PDE1C: variants seen among roughly 807,000 people sequenced by gnomAD.
PDE1C encodes phosphodiesterase 1C.
PDE1C carries 62 observed loss-of-function variants against 93.1 expected under a neutral mutation model. The ratio of observed to expected loss-of-function variants is 0.67; its 90% CI spans 0.54 to 0.82. The LOEUF is 0.82. PDE1C is among the 40% of genes least tolerant of loss of function. The pLI, the probability that PDE1C is intolerant of heterozygous loss-of-function variation, is 0.00. For synonymous variants in PDE1C, 325 were observed against 310.1 expected, an observed-to-expected ratio of 1.05 and a Z score of -0.50; for missense variants, 742 against 884.6, an observed-to-expected ratio of 0.84 and a Z score of 2.04.
At chr7:32,309,154 G>A (rs1813101861) in intron 1 of PDE1C, among the ~76,000 whole-genome samples, 2 of 152,190 alleles carry the variant, frequency 1.3e-5, no homozygotes, top group Admixed American at 6.5e-5. Flanking sequence ...TATCAGTGAT[G>A]GAAGACGAAA....
At chr7:32,307,520 G>A (rs1813039201) in intron 1 of PDE1C, among the ~76,000 whole-genome samples, 3 of 152,094 alleles carry the variant, frequency 2.0e-5, no homozygotes, top group Admixed American at 2.0e-4. Flanking sequence ...AAGAAGGTTT[G>A]GTAAACACAG....
intron 1 of PDE1C, among the ~76,000 whole-genome samples, chr7:32,325,830 G>A (rs975270730): frequency 6.6e-6 from 1 of 152,200 alleles, no homozygotes; most frequent in Admixed American, 6.5e-5. Flanking sequence ...TGAGTGAGAT[G>A]AGGAAACATT....
chr7:31,619,194 T>C, the PDE1C span, among the ~76,000 whole-genome samples: 2 of 152,220 alleles, frequency 1.3e-5, no homozygotes, highest in Non-Finnish European at 2.9e-5. Context: ...CAAGGTGTCC[T>C]TTCTATGTCT....
At chr7:32,417,597 C>T (rs903347507) in intron 1 of PDE1C, among the ~76,000 whole-genome samples, 43 of 150,326 alleles carry the variant, frequency 2.9e-4, no homozygotes, top group Non-Finnish European at 1.8e-4. Context: ...AGAGCCTGCC[C>T]GTGTAACTAT....
chr7:31,865,828 T>A (rs779236237), intron 6 of PDE1C, among the ~76,000 whole-genome samples: 30 of 152,226 alleles, frequency 2.0e-4, no homozygotes, highest in Non-Finnish European at 2.9e-4. Flanking sequence ...AGGCAGTTTA[T>A]ATTTGTTTTG....
chr7:32,085,187 C>G (rs941531682), intron 3 of PDE1C, among the ~76,000 whole-genome samples: 2 of 151,748 alleles, frequency 1.3e-5, no homozygotes, highest in African/African-American at 4.9e-5. Context: ...ACGGATCCCA[C>G]AGAAATACAA....
intron 1 of PDE1C, among the ~76,000 whole-genome samples, chr7:32,255,024 T>G (rs1262965062): frequency 6.6e-6 from 1 of 152,192 alleles, no homozygotes; most frequent in Admixed American, 6.5e-5. Context: ...CTAAGTTAGA[T>G]GAAACATGAA....
At chr7:31,921,037 C>G (rs1270116128) in intron 2 of PDE1C, among the ~76,000 whole-genome samples, 2 of 152,148 alleles carry the variant, frequency 1.3e-5, no homozygotes, top group Admixed American at 1.3e-4. Context: ...CCCTCAAAGC[C>G]TAAAGCAAAC....
intron 1 of PDE1C, among the ~76,000 whole-genome samples, chr7:32,319,073 C>T (rs1004321659): frequency 1.3e-5 from 2 of 152,194 alleles, no homozygotes; most frequent in African/African-American, 4.8e-5. Flanking sequence ...GACCCATGTC[C>T]CTCGTTCTCC....
intron 1 of PDE1C, among the ~76,000 whole-genome samples, chr7:32,343,256 C>A (rs568826212): frequency 6.6e-6 from 1 of 152,180 alleles, no homozygotes; most frequent in Admixed American, 6.5e-5. Context: ...TACATTTAAA[C>A]GTCAAATTTT....
rs1019256359 is a variant in PDE1C at position 32,420,364 on chromosome 7, T to C, written c.310+7458A>G. Among the ~76,000 whole-genome samples, 34 of 12,756 alleles carry C rather than the reference T, an allele frequency of 2.7e-3. 10 individuals are homozygous for C. The highest frequency in any genetic ancestry group is 8.4e-3 in the East Asian group (2 of 238). 8.4% of individuals were successfully genotyped at this position (12,756 alleles called of 152,430 possible). ...GTGTATATATATGTGTATATATATA[T>C]GTGTATATATATGTGTATATATATA... On this transcript the variant is annotated intron_variant, in intron 1 of 1. Coordinates refer to the PDE1C transcript ENST00000672256.
upstream of PDE1C, chr7:32,070,496 G>C: frequency 1.3e-6 from 2 of 1,556,772 alleles, no homozygotes; most frequent in Middle Eastern, 2.2e-4. Context: ...CGCGGCGCGC[G>C]TTTGCCCGGC....
At chr7:32,211,030 A>G (rs1304708518) in intron 1 of PDE1C, among the ~76,000 whole-genome samples, 1 of 152,234 alleles carries the variant, frequency 6.6e-6, no homozygotes, top group East Asian at 1.9e-4. Flanking sequence ...CAAGATGGTG[A>G]AACCCCATCT....
chr7:32,368,010 A>G (rs1239020127), intron 1 of PDE1C, among the ~76,000 whole-genome samples: 1 of 152,120 alleles, frequency 6.6e-6, no homozygotes. Context: ...ATAGAAGGAA[A>G]GTATCTCAAC....
chr7:31,717,095 G>A, the PDE1C span, among the ~76,000 whole-genome samples: 3 of 152,198 alleles, frequency 2.0e-5, no homozygotes, highest in African/African-American at 7.2e-5. Flanking sequence ...GCTCTGTATT[G>A]TAAGTTATAT....
intron 1 of PDE1C, among the ~76,000 whole-genome samples, chr7:32,418,507 G>A (rs528864553): frequency 6.6e-6 from 1 of 151,980 alleles, no homozygotes; most frequent in East Asian, 1.9e-4. Flanking sequence ...TGTTTTATTT[G>A]CACTTTTTCA....
At chr7:31,732,636 TTCTGTG>T in the PDE1C span, among the ~76,000 whole-genome samples, 9 of 103,204 alleles carry the variant, frequency 8.7e-5, no homozygotes, top group Admixed American at 1.1e-4. Context: ...TCTCCTCTCT[TTCTGTG>T]TGTGTGTGTG....
chr7:31,804,857 C>G (rs554463754), intron 16 of PDE1C, among the ~76,000 whole-genome samples: 2 of 151,810 alleles, frequency 1.3e-5, no homozygotes, highest in South Asian at 4.2e-4. Flanking sequence ...CAGTACAGTG[C>G]GGATAATGCT....
chr7:31,924,588 C>T (rs1803098921), intron 2 of PDE1C, among the ~76,000 whole-genome samples: 1 of 137,854 alleles, frequency 7.3e-6, no homozygotes, highest in South Asian at 2.3e-4. Context: ...CTCGAAAGAG[C>T]CTTTTCTTTC....
Sources: gnomAD v4.1 joint callset for allele counts (sites outside exome capture counted in the v4.1 genomes callset) on GRCh38, gnomAD v4.1.1 for gene constraint, MANE v1.5 for transcripts, NCBI Gene and HGNC (gene_info 2026-07-23, HGNC 2026-07-21) for gene names.